OTULIN: variants seen among roughly 807,000 people sequenced by gnomAD.
OTULIN encodes ubiquitin thioesterase otulin.
A neutral mutation model predicts 39.6 loss-of-function variants in OTULIN; 15 were observed. The ratio of observed to expected loss-of-function variants is 0.38; its 90% CI spans 0.25 to 0.58. The LOEUF (loss-of-function observed/expected upper bound fraction) is 0.58, where lower values mean the gene tolerates loss of function less well. OTULIN is among the 20% of genes least tolerant of loss of function. The pLI, the probability that OTULIN is intolerant of heterozygous loss-of-function variation, is 0.66. For synonymous variants in OTULIN, 156 were observed against 170.3 expected (o/e 0.92, Z 0.65); for missense variants, 319 against 445.9 (o/e 0.72, Z 2.56).
chr5:14,711,072 A>G, the OTULIN span: 1 of 842,458 alleles, frequency 1.2e-6, no homozygotes, highest in African/African-American at 1.7e-5. Context: ...CCTTTAAATC[A>G]AGGCCTCTTT....
chr5:14,680,155 A>T (rs777461324), intron 3 of OTULIN, among the ~76,000 whole-genome samples: 3 of 152,344 alleles, frequency 2.0e-5, no homozygotes, highest in African/African-American at 7.2e-5. Flanking sequence ...TTGGATTTGC[A>T]TAAGTATTCT....
At chr5:14,683,899 T>G (rs1736321182) in intron 4 of OTULIN, among the ~76,000 whole-genome samples, 1 of 152,130 alleles carries the variant, frequency 6.6e-6, no homozygotes, top group African/African-American at 2.4e-5. Flanking sequence ...GCAGGATATA[T>G]TGGGTAAGAT....
chr5:14,696,519 A>C lies in OTULIN; in HGVS notation c.*3471A>C, dbSNP rs1005543964. 6.6e-6 allele frequency: 1 copy of C among 152,234 alleles called. No homozygotes were observed. Among genetic ancestry groups the C allele is most frequent in the Admixed American group, 6.5e-5 (1 of 15,284 alleles). 9.4% of individuals were successfully genotyped at this position (152,234 alleles called of 1,614,324 possible). On this transcript the variant is annotated 3_prime_UTR_variant, in exon 7 of 7. Coordinates refer to ENST00000284274, the MANE Select transcript of OTULIN (RefSeq NM_138348.6). ...TGTGTGTGAAATACATAGAATTCCC[A>C]AATAGTTTAGCAAAGGCAGGGCGCA...
At chr5:14,672,634 C>T (rs943456387) in intron 1 of OTULIN, among the ~76,000 whole-genome samples, 3 of 152,048 alleles carry the variant, frequency 2.0e-5, no homozygotes, top group African/African-American at 7.2e-5. Flanking sequence ...TGAAGGTCAG[C>T]TAGTCTCCTT....
intron 6 of OTULIN, 48 bp from the exon 7 acceptor site, chr5:14,692,806 T>C (rs980362140): frequency 6.4e-7 from 1 of 1,571,056 alleles, no homozygotes; most frequent in Admixed American, 1.7e-5. Context: ...TTAAGCCACG[T>C]TTTTCAGTGT....
chr5:14,678,566 A>AT, intron 2 of OTULIN, 115 bp from the exon 3 acceptor site: 3 of 745,946 alleles, frequency 4.0e-6, no homozygotes, highest in Non-Finnish European at 6.3e-6. Flanking sequence ...TGAATTCTGG[A>AT]TTTTTTGACG....
At chr5:14,683,846 T>TA (rs1453006675) in intron 4 of OTULIN, among the ~76,000 whole-genome samples, 1 of 152,320 alleles carries the variant, frequency 6.6e-6, no homozygotes, top group East Asian at 1.9e-4. Context: ...AAATTGCTTT[T>TA]AAAAAAGTTA....
intron 4 of OTULIN, among the ~76,000 whole-genome samples, chr5:14,684,649 G>A (rs1736340955): frequency 6.6e-6 from 1 of 152,172 alleles, no homozygotes; most frequent in Non-Finnish European, 1.5e-5. Context: ...AATCAGGGGT[G>A]GAACCTTTAG....
At chr5:14,666,111 A>G (rs933544831) in intron 1 of OTULIN, among the ~76,000 whole-genome samples, 9 of 152,142 alleles carry the variant, frequency 5.9e-5, no homozygotes, top group Non-Finnish European at 4.4e-5. Flanking sequence ...CCTGCCTTCT[A>G]CCCTGGTGGT....
At chr5:14,668,958 A>G (rs1259164084) in intron 1 of OTULIN, among the ~76,000 whole-genome samples, 1 of 152,240 alleles carries the variant, frequency 6.6e-6, no homozygotes, top group Admixed American at 6.5e-5. Flanking sequence ...AGGTCTTTGA[A>G]CAGAACAAGT....
Position 14,697,268 on chromosome 5 carries a change from C to G in OTULIN, c.*4220C>G, listed in dbSNP as rs757485973. 1 of 152,230 alleles carries G rather than the reference C, an allele frequency of 6.6e-6. No individual in the cohort carries two copies. The highest frequency in any genetic ancestry group is 2.4e-5 in the African/African-American group (1 of 41,414). 9.4% of individuals were successfully genotyped at this position (152,230 alleles called of 1,614,324 possible). A position where few individuals can be genotyped will look rare whatever the true frequency, so the allele number is the denominator to read the frequency against. On this transcript the variant is annotated 3_prime_UTR_variant, in exon 7 of 7. Coordinates refer to ENST00000284274, the MANE Select transcript of OTULIN (RefSeq NM_138348.6). ...TCTCAGCTCACTGCAACTTTTGCCTCCTGGTTCAAGCAGTTCTCCTGCCTC... is the reference window on the plus strand; with the variant it reads ...TCTCAGCTCACTGCAACTTTTGCCTGCTGGTTCAAGCAGTTCTCCTGCCTC...
chr5:14,664,943 C>A lies in OTULIN; in HGVS notation c.118C>A (p.Gln40Lys). 8.9e-7 allele frequency: 1 copy of A among 1,126,530 alleles called. No homozygotes were observed. The allele number at this position is 1,126,530 out of a possible 1,614,324, so 69.8% of individuals were successfully genotyped here. The change falls in exon 1 of 7, where the codon CAG becomes AAG. Residue 40 changes from glutamine (Q) to lysine (K), a missense_variant. Around this residue, in one of 4 missense-constraint regions of OTULIN, gnomAD observed 132 missense variants for 143.7 expected, o/e 0.92. Transcript: ENST00000284274. ...RDGGKAAASG[Q>K]PRPEMQCPAE... is the part of the protein sequence containing the mutation. ...CGGCGGGAAGGCGGCGGCCAGCGGG[C>A]AGCCGCGGCCCGAGATGCAGTGCCC...
the OTULIN span, chr5:14,711,335 G>T: frequency 1.3e-6 from 2 of 1,598,536 alleles, no homozygotes; most frequent in Non-Finnish European, 1.7e-6. Flanking sequence ...ACTCATCAGT[G>T]TGGGGCTGTG....
chr5:14,688,929 G>A (rs1048453606), intron 5 of OTULIN, among the ~76,000 whole-genome samples: 2 of 152,146 alleles, frequency 1.3e-5, no homozygotes, highest in Non-Finnish European at 2.9e-5. Context: ...TTTTGGGAAT[G>A]CTTGAGTGGT....
At chr5:14,703,007 C>A (rs559096144), downstream of OTULIN, among the ~76,000 whole-genome samples, 1 of 152,214 alleles carries the variant, frequency 6.6e-6, no homozygotes, top group South Asian at 2.1e-4. Flanking sequence ...CTGTCATTGG[C>A]CACTCTGCAA....
At chr5:14,672,179 A>G (rs1260725299) in intron 1 of OTULIN, among the ~76,000 whole-genome samples, 1 of 152,196 alleles carries the variant, frequency 6.6e-6, no homozygotes, top group Admixed American at 6.5e-5. Context: ...TGAGCAAATC[A>G]CAGATGTATG....
At chr5:14,673,287 T>C in intron 1 of OTULIN, among the ~76,000 whole-genome samples, 1 of 152,240 alleles carries the variant, frequency 6.6e-6, no homozygotes, top group East Asian at 1.9e-4. Flanking sequence ...TTCTTGGAAC[T>C]TGACAGAATC....
intron 5 of OTULIN, among the ~76,000 whole-genome samples, chr5:14,688,296 A>G (rs1736437504): frequency 6.6e-6 from 1 of 152,092 alleles, no homozygotes; most frequent in Admixed American, 6.5e-5. Context: ...CTTCTCACCA[A>G]GAACCCTGAT....
chr5:14,692,998 G>A lies in OTULIN; in HGVS notation c.1009G>A (p.Asp337Asn). The A allele has an allele frequency of 6.2e-7, 1 of 1,614,102 alleles. No individual in the cohort carries two copies. Among genetic ancestry groups the A allele is most frequent in the Non-Finnish European group, 8.5e-7 (1 of 1,180,010 alleles). The change falls in exon 7 of 7, where the codon GAT becomes AAT. Residue 337 changes from aspartate (D) to asparagine (N), a missense_variant. Physicochemically the swap from Asp to Asn is conservative, Grantham distance 23 (BLOSUM62 1). This residue lies in a region of OTULIN where 106 missense variants were observed against 192.8 expected (regional missense o/e 0.55). Coordinates refer to ENST00000284274, the MANE Select transcript of OTULIN (RefSeq NM_138348.6). ...AGTGGTAACGCTCATTGCTGAGGAC[G>A]ATCGGCACTATAACATCCCCGTCAG... ...WPVVTLIAEDDRHYNIPVRVC... is the reference protein window; with the variant it reads ...WPVVTLIAEDNRHYNIPVRVC...
Sources: allele counts gnomAD v4.1 joint callset (sites outside exome capture counted in the v4.1 genomes callset), GRCh38; gene constraint gnomAD v4.1.1; regional missense constraint gnomAD v4.1.1; transcripts MANE v1.5; gene names NCBI Gene and HGNC (gene_info 2026-07-23, HGNC 2026-07-21).